LDLRAD4: variants seen among roughly 807,000 people sequenced by gnomAD.
LDLRAD4 encodes the protein low density lipoprotein receptor class A domain containing 4.
A neutral mutation model predicts 17.0 loss-of-function variants in LDLRAD4; 5 were observed. The ratio of observed to expected loss-of-function variants is 0.29; its 90% CI spans 0.15 to 0.62. The LOEUF is 0.62. Among genes scored for constraint, LDLRAD4 ranks in the 20% least tolerant of loss-of-function variants. The pLI, the probability that LDLRAD4 is intolerant of heterozygous loss-of-function variation, is 0.84. For missense variants in LDLRAD4, 340 were observed against 424.7 expected (o/e 0.80, Z 1.75); for synonymous variants, 168 against 171.8 (o/e 0.98, Z 0.17).
intron 3 of LDLRAD4, among the ~76,000 whole-genome samples, chr18:13,538,443 A>AGAG (rs1427563924): frequency 6.6e-6 from 1 of 152,140 alleles, no homozygotes; most frequent in East Asian, 1.9e-4. Flanking sequence ...ATGGGATAGT[A>AGAG]GAGTATAAAT....
At chr18:13,644,203 G>A (rs988567515) in intron 5 of LDLRAD4, among the ~76,000 whole-genome samples, 7 of 152,092 alleles carry the variant, frequency 4.6e-5, no homozygotes, top group Admixed American at 3.9e-4. Flanking sequence ...TCTTCTCTAA[G>A]TAATTAATAA....
At chr18:13,597,305 C>A (rs1248460969) in intron 3 of LDLRAD4, among the ~76,000 whole-genome samples, 1 of 152,086 alleles carries the variant, frequency 6.6e-6, no homozygotes, top group Non-Finnish European at 1.5e-5. Flanking sequence ...ATAGGGTTAT[C>A]TTATAAATGA....
intron 3 of LDLRAD4, among the ~76,000 whole-genome samples, chr18:13,593,664 C>T (rs565468809): frequency 3.9e-5 from 6 of 152,192 alleles, no homozygotes; most frequent in Admixed American, 3.3e-4. Flanking sequence ...TGCTATATGG[C>T]GCAGGCTGGC....
chr18:13,294,798 G>A (rs2046176804), intron 1 of LDLRAD4, among the ~76,000 whole-genome samples: 1 of 150,296 alleles, frequency 6.7e-6, no homozygotes, highest in Non-Finnish European at 1.5e-5. Flanking sequence ...TTGTTTGAGT[G>A]TCACAGCCTG....
At chr18:13,251,762 A>G (rs1333728201) in intron 1 of LDLRAD4, among the ~76,000 whole-genome samples, 1 of 152,226 alleles carries the variant, frequency 6.6e-6, no homozygotes, top group Non-Finnish European at 1.5e-5. Context: ...GAAGTACTGT[A>G]TGGTTCAGAT....
chr18:13,446,740 G>T (rs2091432923), intron 3 of LDLRAD4, among the ~76,000 whole-genome samples: 1 of 152,238 alleles, frequency 6.6e-6, no homozygotes, highest in Admixed American at 6.5e-5. Context: ...CTCTGTTTCT[G>T]CCATCACCAT....
At chr18:13,256,937 C>T (rs1056299618) in intron 1 of LDLRAD4, among the ~76,000 whole-genome samples, 12 of 152,240 alleles carry the variant, frequency 7.9e-5, no homozygotes, top group Admixed American at 7.2e-4. Context: ...GCCCAAAGAA[C>T]TCAGAACTGT....
In LDLRAD4 at chr18:13,398,280, A is replaced by G. The variant is rs889165970; in HGVS notation, c.40+10518A>G. The stretch of plus-strand genomic sequence containing the variant: ...ACAAACTTTTCCATGTGTACCTTAG[A>G]TAACCTCACTGGCGTTTGTCATTCT... On this transcript the variant is annotated intron_variant, in intron 2 of 5. Coordinates refer to ENST00000359446, the Ensembl canonical transcript of LDLRAD4. The surrounding 1 kb of genome is among the most constrained non-coding windows in gnomAD (Gnocchi z 4.8). Among the ~76,000 whole-genome samples the G allele has an allele frequency of 1.3e-5, 2 of 152,166 alleles. No individual in the cohort carries two copies. The highest frequency in any genetic ancestry group is 4.8e-5 in the African/African-American group (2 of 41,436).
intron 3 of LDLRAD4, among the ~76,000 whole-genome samples, chr18:13,560,307 C>T (rs1021890340): frequency 7.9e-5 from 12 of 152,292 alleles, no homozygotes; most frequent in Admixed American, 3.3e-4. Context: ...GGAGTCTGTC[C>T]GGCTGCTCAC....
intron 3 of LDLRAD4, among the ~76,000 whole-genome samples, chr18:13,482,408 T>A (rs1216394137): frequency 6.6e-6 from 1 of 152,218 alleles, no homozygotes; most frequent in Non-Finnish European, 1.5e-5. Flanking sequence ...TCCCCACAGC[T>A]GACTCCCATG....
At position 13,372,140 on chromosome 18, in the gene LDLRAD4, G is replaced by C. The variant is rs2045089; in HGVS notation, c.-382-15201G>C. 5.8e-4 allele frequency among the ~76,000 whole-genome samples: 89 copies of C among 152,262 alleles called. No individual in the cohort carries two copies. In the East Asian group the frequency reaches 0.016, roughly 28 times the overall value. On this transcript the variant is annotated intron_variant, in intron 1 of 5. Transcript: ENST00000359446. ...ATTTCATCACACTTGATCTATTGTC[G>C]AATTCACCAAGCACTGCCGTGTGCC...
intron 3 of LDLRAD4, among the ~76,000 whole-genome samples, chr18:13,443,330 T>C (rs564026893): frequency 4.6e-5 from 7 of 152,226 alleles, no homozygotes; most frequent in African/African-American, 1.2e-4. Flanking sequence ...GGCAGCAACT[T>C]CCCACCTCCC....
At chr18:13,605,667 T>G (rs1486956461) in intron 3 of LDLRAD4, among the ~76,000 whole-genome samples, 2 of 152,254 alleles carry the variant, frequency 1.3e-5, no homozygotes, top group Non-Finnish European at 2.9e-5. Context: ...GCACCTGCCA[T>G]GCCCAGGAGG....
intron 3 of LDLRAD4, among the ~76,000 whole-genome samples, chr18:13,540,346 G>A (rs1252745321): frequency 2.6e-5 from 4 of 152,230 alleles, no homozygotes; most frequent in South Asian, 2.1e-4. Context: ...ATTTGTAAGG[G>A]CACTAATGTT....
At chr18:13,614,565 G>A (rs1388907513) in intron 3 of LDLRAD4, 3 of 152,140 alleles carry the variant, frequency 2.0e-5, no homozygotes, top group Non-Finnish European at 4.4e-5. Context: ...TGTACTTCAA[G>A]CTGTGAAGTC....
chr18:13,484,326 A>C (rs559005777), intron 3 of LDLRAD4, among the ~76,000 whole-genome samples: 1 of 152,340 alleles, frequency 6.6e-6, no homozygotes, highest in South Asian at 2.1e-4. Flanking sequence ...GCCTTTAGAA[A>C]ATGTTAAAAT....
chr18:13,518,448 T>G (rs2093903919), intron 3 of LDLRAD4, among the ~76,000 whole-genome samples: 1 of 152,218 alleles, frequency 6.6e-6, no homozygotes, highest in Non-Finnish European at 1.5e-5. Context: ...AAGTTCCCAA[T>G]GTCTTCTTTT....
chr18:13,645,052 T>C lies in LDLRAD4; in HGVS notation c.391-75T>C. On this transcript the variant is annotated intron_variant, in intron 5 of 5. Transcript: ENST00000359446. The surrounding 1 kb of genome is among the most constrained non-coding windows in gnomAD (Gnocchi z 5.7). ...GGTAGGAACACACACCAAGCGTAAC[T>C]TTCCTTGATTCTGACACATTTATGG... 1 of 1,283,032 alleles carries C rather than the reference T, an allele frequency of 7.8e-7. No homozygotes were observed. The highest frequency in any genetic ancestry group is 1.1e-6 in the Non-Finnish European group (1 of 926,514). The allele number at this position is 1,283,032 out of a possible 1,614,324, so 79.5% of individuals were successfully genotyped here.
chr18:13,522,721 A>G (rs996116099), intron 3 of LDLRAD4: 1 of 152,130 alleles, frequency 6.6e-6, no homozygotes, highest in African/African-American at 2.4e-5. Context: ...TTTTTTATCT[A>G]AGCCGAATGT....
Sources: gnomAD v4.1 joint callset for allele counts (sites outside exome capture counted in the v4.1 genomes callset) on GRCh38, gnomAD v4.1.1 for gene constraint, Gnocchi (gnomAD v3.1) non-coding constraint, MANE v1.5 for transcripts, NCBI Gene and HGNC (gene_info 2026-07-23, HGNC 2026-07-21) for gene names.